The following SFTPC variants were observed in gnomAD, a reference collection of about 807,000 sequenced individuals.
SFTPC encodes BRICHOS domain containing 6.
SFTPC carries 12 observed loss-of-function variants against 19.9 expected under a neutral mutation model. That is an observed-to-expected ratio of 0.60 (90% CI 0.39 to 0.98). The LOEUF is 0.98. SFTPC is among the 50% of genes least tolerant of loss of function. SFTPC has a pLI of 0.00. For missense variants in SFTPC, 219 were observed against 252.2 expected (o/e 0.87, Z 0.89); for synonymous variants, 123 against 103.3 (o/e 1.19, Z -1.16).
Position 22,164,424 on chromosome 8 carries a change from C to T in SFTPC, c.*177C>T, listed in dbSNP as rs552366898. ...GATGGGAGTGGGCAGAGGTGGCGCC[C>T]AGGGGCCCGGGAACTCCTGCCACAA... On this transcript the variant is annotated 3_prime_UTR_variant, in exon 6 of 6. Coordinates refer to ENST00000679463, the MANE Select transcript of SFTPC (RefSeq NM_001317778.2). 1.5e-5 allele frequency: 22 copies of T among 1,495,160 alleles called. No individual in the cohort carries two copies. In the African/African-American group the frequency reaches 2.2e-4, roughly 15 times the overall value. 92.6% of individuals were successfully genotyped at this position (1,495,160 alleles called of 1,614,324 possible).
chr8:22,164,305 C>T lies in SFTPC; in HGVS notation c.*58C>T. The T allele has an allele frequency of 6.5e-7, 1 of 1,536,170 alleles. No homozygotes were observed. The highest frequency in any genetic ancestry group is 8.7e-7 in the Non-Finnish European group (1 of 1,146,910). ...CCAACGGGAAAGGAAACGCCCCGGG[C>T]AAAGGGTCTTTTGCAGCTTTTGCAG... is the stretch of plus-strand genomic sequence containing the variant. On this transcript the variant is annotated 3_prime_UTR_variant, in exon 6 of 6. Transcript: ENST00000679463.
rs34957318 is a variant in SFTPC at position 22,163,947 on chromosome 8, G to A, written c.482G>A (p.Arg161Gln). 1,260 of 1,613,684 alleles carry A rather than the reference G, an allele frequency of 7.8e-4. 14 individuals carry two copies. The African/African-American group carries it at 0.015, about 19-fold the overall frequency. Residue 161 changes from arginine to glutamine, a missense_variant, in exon 5 of 6, where the codon CGA becomes CAA. Arg to Gln is a conservative substitution (Grantham distance 43, BLOSUM62 1). Coordinates refer to ENST00000679463, the MANE Select transcript of SFTPC (RefSeq NM_001317778.2). ...TCTAAGCTGGGCCAGGCAGAGGGGCGAGATGCAGGCTCAGCACCCTCCGGA... is the reference window on the plus strand; with the variant it reads ...TCTAAGCTGGGCCAGGCAGAGGGGCAAGATGCAGGCTCAGCACCCTCCGGA... ...PTSKLGQAEG[R>Q]DAGSAPSGGD...
chr8:22,157,811 TTTTGCTTTGTAAAATC>T (rs1827557046), upstream of SFTPC: 1 of 152,214 alleles, frequency 6.6e-6, no homozygotes, highest in African/African-American at 2.4e-5. Context: ...TGTAAAATAA[TTTTGCTTTGTAAAATC>T]GTTTTTCCAT....
rs762396570 is a variant in SFTPC at position 22,163,500 on chromosome 8, G to C, written c.389G>C (p.Ser130Thr). ...TACATCATGAAGATAGCTCCAGAGAGCATCCCCAGTCTTGAGGCTCTCACT... is the reference window on the plus strand; with the variant it reads ...TACATCATGAAGATAGCTCCAGAGACCATCCCCAGTCTTGAGGCTCTCACT... ...CCYIMKIAPE[S>T]IPSLEALTRK... The change falls in exon 4 of 6, where the codon AGC becomes ACC. Residue 130 changes from serine (S) to threonine (T), a missense_variant. Physicochemically the swap from Ser to Thr is moderately conservative, Grantham distance 58 (BLOSUM62 1). Transcript: ENST00000679463. The C allele has an allele frequency of 6.2e-7, 1 of 1,613,914 alleles. No individual in the cohort carries two copies. The highest frequency in any genetic ancestry group is 8.5e-7 in the Non-Finnish European group (1 of 1,180,006).
upstream of SFTPC, chr8:22,159,724 A>C: frequency 1.6e-6 from 2 of 1,240,876 alleles, no homozygotes; most frequent in Non-Finnish European, 2.1e-6. Flanking sequence ...AACCCCACCC[A>C]CAGTGCCTGC....
At chr8:22,158,384 G>A (rs1019189025), upstream of SFTPC, among the ~76,000 whole-genome samples, 1 of 152,168 alleles carries the variant, frequency 6.6e-6, no homozygotes, top group Non-Finnish European at 1.5e-5. Flanking sequence ...GTCCCCACCC[G>A]TCCCTGGCAC....
chr8:22,163,106 G>T lies in SFTPC; in HGVS notation c.228G>T (p.Pro76=). The change falls in exon 3 of 6, where the codon CCG becomes CCT. Residue 76 remains proline (P), a synonymous_variant. Transcript: ENST00000679463. The part of the protein sequence containing the change: ...EMVLEMSIGA[P]EAQQRLALSE... ...TTCTGGAGATGAGCATTGGGGCGCC[G>T]GAAGCCCAGCAACGCCTGGCCCTGA... 1 of 1,614,144 alleles carries T rather than the reference G, an allele frequency of 6.2e-7. No individual in the cohort carries two copies. The highest frequency in any genetic ancestry group is 8.5e-7 in the Non-Finnish European group (1 of 1,180,020).
chr8:22,158,115 G>A (rs1413897745), upstream of SFTPC, among the ~76,000 whole-genome samples: 1 of 152,218 alleles, frequency 6.6e-6, no homozygotes, highest in Non-Finnish European at 1.5e-5. Context: ...GCTGTCAGCT[G>A]CCTGGGCTTC....
In SFTPC at chr8:22,164,000, G is replaced by T. The variant is rs1827912292; in HGVS notation, c.535G>T (p.Val179Leu). The T allele has an allele frequency of 1.2e-6, 2 of 1,612,422 alleles. No individual in the cohort carries two copies. The highest frequency in any genetic ancestry group is 1.3e-5 in the African/African-American group (1 of 74,896). The stretch of plus-strand genomic sequence containing the variant: ...GGACCCGGCCTTCCTGGGCATGGCC[G>T]TGAGCACCCTGTGTGGCGAGGTGCC... ...GGDPAFLGMA[V>L]STLCGEVPLY... Residue 179 changes from valine to leucine, a missense_variant, in exon 5 of 6, where the codon GTG (valine) becomes TTG (leucine). Val to Leu is a conservative substitution (Grantham distance 32). Coordinates refer to ENST00000679463, the MANE Select transcript of SFTPC (RefSeq NM_001317778.2).
chr8:22,160,188 G>A (rs1827660195), upstream of SFTPC, among the ~76,000 whole-genome samples: 1 of 152,224 alleles, frequency 6.6e-6, no homozygotes, highest in African/African-American at 2.4e-5. Flanking sequence ...CAGATGCCAT[G>A]CTGTTATGCA....
chr8:22,162,081 C>T (rs1262094655), intron 1 of SFTPC, among the ~76,000 whole-genome samples: 2 of 151,936 alleles, frequency 1.3e-5, no homozygotes, highest in East Asian at 1.9e-4. Flanking sequence ...TATAGGGGTC[C>T]GTAGAAAGGG....
In SFTPC at chr8:22,163,961, G is replaced by C; in HGVS notation, c.496G>C (p.Ala166Pro). 1 of 1,613,370 alleles carries C rather than the reference G, an allele frequency of 6.2e-7. No homozygotes were observed. Among genetic ancestry groups the C allele is most frequent in the Non-Finnish European group, 8.5e-7 (1 of 1,180,040 alleles). The change falls in exon 5 of 6, where the codon GCA becomes CCA. Residue 166 changes from alanine to proline, a missense_variant. Coordinates refer to ENST00000679463, the MANE Select transcript of SFTPC (RefSeq NM_001317778.2). The stretch of plus-strand genomic sequence containing the variant: ...GGCAGAGGGGCGAGATGCAGGCTCA[G>C]CACCCTCCGGAGGGGACCCGGCCTT... ...GQAEGRDAGS[A>P]PSGGDPAFLG...
In SFTPC at chr8:22,163,207, G is replaced by A. The variant is rs200023904; in HGVS notation, c.324+5G>A. The A allele has an allele frequency of 5.1e-5, 82 of 1,614,152 alleles. 1 individual carries two copies. Among genetic ancestry groups the A allele is most frequent in the Middle Eastern group, 4.9e-4 (3 of 6,062 alleles). On this transcript the variant is annotated splice_donor_5th_base_variant and intron_variant, in intron 3 of 5. Transcript: ENST00000679463. ...GTGGTGTATGACTACCAGCAGGTGG[G>A]TATGCCCAGACCTCCTGACCCTGGG...
Position 22,164,318 on chromosome 8 carries a change from G to A in SFTPC, c.*71G>A, listed in dbSNP as rs1406859604. On this transcript the variant is annotated 3_prime_UTR_variant, in exon 6 of 6. Transcript: ENST00000679463. ...AAACGCCCCGGGCAAAGGGTCTTTT[G>A]CAGCTTTTGCAGACGGGCAAGAAGC... 3 of 1,536,150 alleles carry A rather than the reference G, an allele frequency of 2.0e-6. No individual in the cohort carries two copies. The highest frequency in any genetic ancestry group is 2.6e-6 in the Non-Finnish European group (3 of 1,146,908).
rs749972069 is a variant in SFTPC, at chr8:22,163,736, AGTCCACTCACTACCTG to A, written c.436-162_436-147del. 3 of 822,558 alleles carry A rather than the reference AGTCCACTCACTACCTG, an allele frequency of 3.6e-6. No individual in the cohort carries two copies. In the South Asian group the frequency reaches 4.3e-5, roughly 12 times the overall value. 51.0% of individuals were successfully genotyped at this position (822,558 alleles called of 1,614,324 possible). A position where few individuals can be genotyped will look rare whatever the true frequency, so the allele number is the denominator to read the frequency against. The stretch of plus-strand genomic sequence containing the variant: ...ACTGCCAAGCTGCTGGGCTCAGCTG[AGTCCACTCACTACCTG>A]GTGGCTTCTGACTCTAGCACAGCCC... On this transcript the variant is annotated intron_variant, in intron 4 of 5. Transcript: ENST00000679463.
At chr8:22,157,579 A>G (rs1827545934), upstream of SFTPC, 1 of 152,568 alleles carries the variant, frequency 6.6e-6, no homozygotes, top group Non-Finnish European at 1.5e-5. Flanking sequence ...CACTCTGCCC[A>G]GCTTCAAGGT....
intron 1 of SFTPC, 24 bp downstream of exon 1, chr8:22,161,894 TGTATGTGTGCGC>T: frequency 6.2e-7 from 1 of 1,611,274 alleles, no homozygotes; most frequent in Non-Finnish European, 8.5e-7. Context: ...CGTGTGTGTA[TGTATGTGTGCGC>T]GCGCACATGT....
At chr8:22,161,787 A>C (rs1240294960), upstream of SFTPC, 1 of 1,614,038 alleles carries the variant, frequency 6.2e-7, no homozygotes. Flanking sequence ...CCCTGGTCAC[A>C]CCTGGGAGAG....
At chr8:22,158,699 G>A (rs997816445), upstream of SFTPC, 2 of 152,228 alleles carry the variant, frequency 1.3e-5, no homozygotes, top group African/African-American at 2.4e-5. Context: ...GCTAGTACCT[G>A]ACCCATCTCA....
Sources: allele counts gnomAD v4.1 joint callset (sites outside exome capture counted in the v4.1 genomes callset), GRCh38; gene constraint gnomAD v4.1.1; transcripts MANE v1.5; gene names NCBI Gene and HGNC (gene_info 2026-07-23, HGNC 2026-07-21).